The following GRIA3 variants were observed in gnomAD, a reference collection of about 807,000 sequenced individuals.
GRIA3 encodes the protein glutamate ionotropic receptor AMPA type subunit 3.
GRIA3 carries 3 observed loss-of-function variants against 63.0 expected under a neutral mutation model. That is an observed-to-expected ratio of 0.05 (90% CI 0.02 to 0.12). The LOEUF is 0.12. Among genes scored for constraint, GRIA3 ranks in the 10% least tolerant of loss-of-function variants. The pLI is 1.00. For missense variants in GRIA3, 347 were observed against 700.9 expected (o/e 0.50, Z 5.70); for synonymous variants, 274 against 257.9 (o/e 1.06, Z -0.60).
At chrX:123,400,655 T>G (rs2045439203) in intron 7 of GRIA3, among the ~76,000 whole-genome samples, 1 of 112,043 alleles carries the variant, frequency 8.9e-6, no homozygotes, top group African/African-American at 3.2e-5. Flanking sequence ...CAGAGGCTCC[T>G]AAGGGGCCTG....
intron 15 of GRIA3, among the ~76,000 whole-genome samples, chrX:123,487,025 G>A (rs962924321): frequency 1.8e-5 from 2 of 111,938 alleles, no homozygotes; most frequent in African/African-American, 6.5e-5. Flanking sequence ...GGATTACTGG[G>A]CTTATTGTGG....
chrX:123,426,625 A>C (rs917878727), intron 11 of GRIA3, among the ~76,000 whole-genome samples: 2 of 112,371 alleles, frequency 1.8e-5, no homozygotes, highest in Non-Finnish European at 3.8e-5. Context: ...TCTGCAGACC[A>C]CTTGCAGCAG....
At position 123,490,783 on chromosome X, in the gene GRIA3, G is replaced by C. The variant is rs1033754232; in HGVS notation, c.*2073G>C. 2.7e-5 allele frequency: 3 copies of C among 112,260 alleles called. No individual in the cohort carries two copies. The highest frequency in any genetic ancestry group is 5.6e-5 in the Non-Finnish European group (3 of 53,239). The allele number at this position is 112,260 out of a possible 1,213,427, so 9.3% of individuals were successfully genotyped here. On this transcript the variant is annotated 3_prime_UTR_variant, in exon 16 of 16. Transcript: ENST00000620443. ...TGTTAAAGCTGTACTTCAGTGAACA[G>C]AAAAATTGCCAAGCAAACTAATGGC...
intron 5 of GRIA3, among the ~76,000 whole-genome samples, chrX:123,380,964 G>C (rs979426986): frequency 9.0e-6 from 1 of 111,088 alleles, no homozygotes; most frequent in East Asian, 2.8e-4. Context: ...TGGATATGTG[G>C]CATTATTTCT....
intron 2 of GRIA3, among the ~76,000 whole-genome samples, chrX:123,198,725 A>G (rs944360650): frequency 8.9e-6 from 1 of 112,269 alleles, no homozygotes; most frequent in Non-Finnish European, 1.9e-5. Flanking sequence ...GCCACCATTA[A>G]GTGGAATTGT....
intron 5 of GRIA3, among the ~76,000 whole-genome samples, chrX:123,382,141 G>A (rs1298165748): frequency 8.9e-6 from 1 of 112,069 alleles, no homozygotes; most frequent in African/African-American, 3.2e-5. Context: ...TTGCCCTTTA[G>A]TAACAAGATC....
intron 3 of GRIA3, among the ~76,000 whole-genome samples, chrX:123,281,713 C>G (rs1476349889): frequency 9.0e-6 from 1 of 111,664 alleles, no homozygotes. Context: ...CCCTGACATC[C>G]TGAAAATTGC....
chrX:123,479,604 G>A (rs2045903065), intron 13 of GRIA3, among the ~76,000 whole-genome samples: 1 of 111,820 alleles, frequency 8.9e-6, no homozygotes, highest in South Asian at 3.8e-4. Context: ...CATTTGTCTC[G>A]GTCCACAATA....
At chrX:123,425,110 G>T (rs1004218351) in intron 11 of GRIA3, among the ~76,000 whole-genome samples, 1 of 111,541 alleles carries the variant, frequency 9.0e-6, no homozygotes, top group Non-Finnish European at 1.9e-5. Flanking sequence ...ATACAAATAT[G>T]TTTGGTTTTC....
At chrX:123,374,288 G>A (rs778949876) in intron 5 of GRIA3, among the ~76,000 whole-genome samples, 6 of 111,775 alleles carry the variant, frequency 5.4e-5, no homozygotes, top group African/African-American at 1.3e-4. Context: ...GTCAGGTAGC[G>A]TGATGCCTCC....
chrX:123,303,118 T>C (rs757891016), intron 3 of GRIA3, among the ~76,000 whole-genome samples: 59 of 111,389 alleles, frequency 5.3e-4, no homozygotes, highest in African/African-American at 1.8e-3. Flanking sequence ...TATTCAGATA[T>C]TGGGTTGCAG....
At chrX:123,344,282 C>T (rs1459834140) in intron 4 of GRIA3, among the ~76,000 whole-genome samples, 4 of 112,340 alleles carry the variant, frequency 3.6e-5, no homozygotes, top group Non-Finnish European at 5.6e-5. Flanking sequence ...ACCCATATCC[C>T]CTCAGCACTA....
intron 3 of GRIA3, among the ~76,000 whole-genome samples, chrX:123,290,624 G>C (rs1353209414): frequency 1.2e-5 from 1 of 85,515 alleles, no homozygotes; most frequent in Admixed American, 1.3e-4. Flanking sequence ...GTGTGTGTGT[G>C]TGTGTAAGGG....
At position 123,403,032 on chromosome X, in the gene GRIA3, C is replaced by T. The variant is rs1475124861; in HGVS notation, c.1119C>T (p.Asp373=). The T allele has an allele frequency of 1.2e-5, 14 of 1,175,345 alleles. No individual in the cohort carries two copies. The highest frequency in any genetic ancestry group is 1.8e-5 in the African/African-American group (1 of 57,106). ...VQGMTGNIQF[D]TYGRRTNYTI... ...GAATGACTGGAAATATTCAATTTGA[C>T]ACTTATGGACGTAGGACAAATTATA... Residue 373 remains aspartate, a synonymous_variant, in exon 8 of 16, where the codon GAC becomes GAT. Transcript: ENST00000620443.
intron 3 of GRIA3, among the ~76,000 whole-genome samples, chrX:123,297,870 T>A (rs1020751928): frequency 2.7e-5 from 3 of 110,205 alleles, no homozygotes; most frequent in African/African-American, 9.9e-5. Context: ...TCCTCTCCCT[T>A]CTCCCACCCT....
At chrX:123,228,397 T>C (rs750939678) in intron 2 of GRIA3, among the ~76,000 whole-genome samples, 1 of 111,119 alleles carries the variant, frequency 9.0e-6, no homozygotes, top group Non-Finnish European at 1.9e-5. Flanking sequence ...CAAGGGAGCA[T>C]TTCCAACCAG....
intron 3 of GRIA3, among the ~76,000 whole-genome samples, chrX:123,281,283 T>A (rs2044584361): frequency 8.9e-6 from 1 of 111,753 alleles, no homozygotes; most frequent in East Asian, 2.8e-4. Flanking sequence ...CTTGGCATAC[T>A]AAATGTTCAT....
intron 4 of GRIA3, among the ~76,000 whole-genome samples, chrX:123,345,769 G>A (rs1174926945): frequency 1.8e-5 from 2 of 110,428 alleles, no homozygotes; most frequent in Non-Finnish European, 3.8e-5. Context: ...CCTTTCCACG[G>A]CCCCCATCCC....
chrX:123,387,855 A>C (rs560407097), intron 5 of GRIA3, among the ~76,000 whole-genome samples: 27 of 112,141 alleles, frequency 2.4e-4, no homozygotes, highest in African/African-American at 8.1e-4. Flanking sequence ...GGACTTTTGC[A>C]TCTATGTTCA....
Sources: gnomAD v4.1 joint callset for allele counts (sites outside exome capture counted in the v4.1 genomes callset) on GRCh38, gnomAD v4.1.1 for gene constraint, MANE v1.5 for transcripts, NCBI Gene and HGNC (gene_info 2026-07-23, HGNC 2026-07-21) for gene names.